Variants in LARP1B observed in about 807,000 individuals in gnomAD.
The protein encoded by LARP1B is La ribonucleoprotein 1B, also known as la-related protein 1B.
Under a neutral mutation model 114.2 loss-of-function variants are expected in LARP1B, and 76 were observed. That is an observed-to-expected ratio of 0.67 (90% CI 0.55 to 0.81). The LOEUF is 0.81. Ranked by LOEUF, LARP1B falls within the 30% of genes least tolerant of loss-of-function variation. The pLI, the probability that LARP1B is intolerant of heterozygous loss-of-function variation, is 0.00. For missense variants in LARP1B, 1,014 were observed against 1,075.8 expected (o/e 0.94, Z 0.80); for synonymous variants, 345 against 348.0 (o/e 0.99, Z 0.10).
chr4:128,133,821 C>T lies in LARP1B; in HGVS notation c.1524+11633C>T, dbSNP rs553858746. 1.1e-4 allele frequency among the ~76,000 whole-genome samples: 16 copies of T among 152,100 alleles called. No individual in the cohort carries two copies. The South Asian group carries it at 2.3e-3, about 22-fold the overall frequency. The stretch of plus-strand genomic sequence containing the variant: ...AAGTGATTCTCCTGCCTCAGCCTCT[C>T]GAGTAGCTGGGACTACAGGCCTGCA... On this transcript the variant is annotated intron_variant, in intron 11 of 19. Coordinates refer to ENST00000326639, the MANE Select transcript of LARP1B (RefSeq NM_018078.4).
chr4:128,066,191 T>C (rs1220314857), intron 1 of LARP1B, among the ~76,000 whole-genome samples: 1 of 145,852 alleles, frequency 6.9e-6, no homozygotes, highest in African/African-American at 2.5e-5. Context: ...TTTTTTGTTA[T>C]ATTGAGACAG....
chr4:128,094,878 A>G (rs1327425242), intron 7 of LARP1B, among the ~76,000 whole-genome samples: 2 of 151,892 alleles, frequency 1.3e-5, no homozygotes, highest in Non-Finnish European at 2.9e-5. Flanking sequence ...CAGCCTCCCC[A>G]GTAGCTGGGA....
At chr4:128,194,151 C>A (rs1042567768) in intron 15 of LARP1B, among the ~76,000 whole-genome samples, 2 of 152,008 alleles carry the variant, frequency 1.3e-5, no homozygotes, top group African/African-American at 4.8e-5. Context: ...CAGCTCACTG[C>A]AACCTCCACC....
Position 128,206,434 on chromosome 4 carries a change from G to T in LARP1B, c.2316G>T (p.Gly772=). 5 of 1,593,420 alleles carry T rather than the reference G, an allele frequency of 3.1e-6. No individual in the cohort carries two copies. The South Asian group carries it at 5.7e-5, about 18-fold the overall frequency. ...WEDAKENYRY[G]LECLFRFYSY... ...TTTTATTTTCTCTTTATAGGTATGG[G>T]TTAGAATGTCTGTTCAGGTTTTATA... Residue 772 remains glycine, a synonymous_variant, in exon 18 of 20, where the codon GGG becomes GGT. Transcript: ENST00000326639.
At chr4:128,203,924 A>G (rs1331522313) in intron 17 of LARP1B, among the ~76,000 whole-genome samples, 1 of 152,016 alleles carries the variant, frequency 6.6e-6, no homozygotes, top group Non-Finnish European at 1.5e-5. Context: ...TAGGTTTTCT[A>G]CTCCTCTGAG....
Position 128,114,604 on chromosome 4 carries a change from A to G in LARP1B, c.1023A>G (p.Pro341=). Residue 341 remains proline, a synonymous_variant, in exon 10 of 20, where the codon CCA becomes CCG. Transcript: ENST00000326639. The stretch of plus-strand genomic sequence containing the variant: ...CAAATTCTCCAAGAATTGGAAGCCC[A>G]TTGAGCCCAAAGAAAAACAGTGAAA... ...SAPNSPRIGS[P]LSPKKNSETS... is the part of the protein sequence containing the mutation. The G allele has an allele frequency of 6.2e-7, 1 of 1,613,606 alleles. No homozygotes were observed. Among genetic ancestry groups the G allele is most frequent in the Non-Finnish European group, 8.5e-7 (1 of 1,179,698 alleles).
At position 128,200,512 on chromosome 4, in the gene LARP1B, T is replaced by A. The variant is rs1331255028; in HGVS notation, c.2165-9T>A. On this transcript the variant is annotated splice_polypyrimidine_tract_variant and intron_variant, in intron 16 of 19. Coordinates refer to ENST00000326639, the MANE Select transcript of LARP1B (RefSeq NM_018078.4). ...TTAATAAAATAATATTTTATTTAAC[T>A]TTTTTCAGAGAGAAAACGCTTGGGA... 23 of 1,415,300 alleles carry A rather than the reference T, an allele frequency of 1.6e-5. No individual in the cohort carries two copies. The highest frequency in any genetic ancestry group is 4.9e-4 in the Middle Eastern group (2 of 4,058). 87.7% of individuals were successfully genotyped at this position (1,415,300 alleles called of 1,614,324 possible).
chr4:128,194,111 C>T (rs1294526216), intron 15 of LARP1B, among the ~76,000 whole-genome samples: 2 of 151,190 alleles, frequency 1.3e-5, no homozygotes, highest in East Asian at 2.0e-4. Context: ...TCACTCATGT[C>T]GCCCAGGCTG....
intron 16 of LARP1B, among the ~76,000 whole-genome samples, chr4:128,199,891 G>A (rs1051330861): frequency 6.6e-6 from 1 of 152,154 alleles, no homozygotes; most frequent in Admixed American, 6.5e-5. Flanking sequence ...TATGAGACCA[G>A]CCTGGCCAAC....
chr4:128,071,134 C>T (rs1230042765), intron 1 of LARP1B, among the ~76,000 whole-genome samples: 2 of 151,250 alleles, frequency 1.3e-5, no homozygotes, highest in Admixed American at 1.3e-4. Context: ...GCAAGCTCCA[C>T]CTCCTGGGTT....
chr4:128,205,620 C>T (rs1209510745), intron 17 of LARP1B, among the ~76,000 whole-genome samples: 4 of 152,154 alleles, frequency 2.6e-5, no homozygotes, highest in African/African-American at 9.7e-5. Flanking sequence ...GCTCTCTTAA[C>T]CATTTAATTA....
At chr4:128,087,496 G>C (rs1156361321) in intron 5 of LARP1B, among the ~76,000 whole-genome samples, 2 of 152,002 alleles carry the variant, frequency 1.3e-5, no homozygotes, top group African/African-American at 4.8e-5. Flanking sequence ...TGAAAGAATT[G>C]TTCAGTGAAT....
chr4:128,079,110 TAA>T (rs1246177766), intron 4 of LARP1B, among the ~76,000 whole-genome samples: 1 of 148,272 alleles, frequency 6.7e-6, no homozygotes, highest in Non-Finnish European at 1.5e-5. Flanking sequence ...TTTTTTTTTT[TAA>T]GAGACAGAGT....
intron 11 of LARP1B, among the ~76,000 whole-genome samples, chr4:128,143,395 A>G (rs1156804439): frequency 6.6e-6 from 1 of 152,246 alleles, no homozygotes; most frequent in Non-Finnish European, 1.5e-5. Flanking sequence ...TGACTCTGCC[A>G]GGGATTCATT....
chr4:128,156,767 G>A (rs957250765), intron 11 of LARP1B, among the ~76,000 whole-genome samples: 137 of 150,186 alleles, frequency 9.1e-4, no homozygotes, highest in African/African-American at 3.3e-3. Flanking sequence ...CAGCTCCAGG[G>A]AATCCAAGCC....
At chr4:128,108,323 A>G in intron 9 of LARP1B, 1 of 1,008,840 alleles carries the variant, frequency 9.9e-7, no homozygotes, top group East Asian at 9.7e-5. Context: ...ATTCTTAAGT[A>G]CTTTGCTATT....
chr4:128,068,413 T>C (rs914615214), intron 1 of LARP1B, among the ~76,000 whole-genome samples: 3 of 151,244 alleles, frequency 2.0e-5, no homozygotes, highest in Non-Finnish European at 4.4e-5. Context: ...CTAGAACTCC[T>C]GGGCCCAAGG....
At position 128,070,569 on chromosome 4, in the gene LARP1B, G is replaced by A. The variant is rs1408408945; in HGVS notation, c.-77-3891G>A. On this transcript the variant is annotated intron_variant, in intron 1 of 19. Coordinates refer to ENST00000326639, the MANE Select transcript of LARP1B (RefSeq NM_018078.4). ...CCAGCTACTTGGGAGGCTGAGGTGG[G>A]AGAATTGCTTGAACCCGGGAGGCGG... Among the ~76,000 whole-genome samples, 12 of 151,886 alleles carry A rather than the reference G, an allele frequency of 7.9e-5. No individual in the cohort carries two copies. In the South Asian group the frequency reaches 2.5e-3, roughly 32 times the overall value.
chr4:128,153,397 A>G (rs1733827587), intron 11 of LARP1B, among the ~76,000 whole-genome samples: 1 of 151,482 alleles, frequency 6.6e-6, no homozygotes, highest in African/African-American at 2.4e-5. Flanking sequence ...GCTCACTGCA[A>G]CTTCCGCCTC....
Sources: allele counts gnomAD v4.1 joint callset (sites outside exome capture counted in the v4.1 genomes callset), GRCh38; gene constraint gnomAD v4.1.1; transcripts MANE v1.5; gene names NCBI Gene and HGNC (gene_info 2026-07-23, HGNC 2026-07-21).